Variants in PRRG1 observed in about 807,000 individuals in gnomAD.
The protein encoded by PRRG1 is transmembrane gamma-carboxyglutamic acid protein 1.
In PRRG1, 5 loss-of-function variants were observed where a neutral mutation model predicts 11.8. That is an observed-to-expected ratio of 0.42 (90% CI 0.22 to 0.89). The LOEUF (loss-of-function observed/expected upper bound fraction) is 0.89. PRRG1 is among the 40% of genes least tolerant of loss of function. PRRG1 has a pLI of 0.28. For missense variants in PRRG1, 155 were observed against 166.1 expected (o/e 0.93, Z 0.37); for synonymous variants, 66 against 60.4 (o/e 1.09, Z -0.43).
intron 1 of PRRG1, among the ~76,000 whole-genome samples, chrX:37,393,082 G>C (rs1931595898): frequency 9.0e-6 from 1 of 111,139 alleles, no homozygotes; most frequent in African/African-American, 3.3e-5. Context: ...CAGAAACAAA[G>C]TATCCTTTGT....
intron 3 of PRRG1, among the ~76,000 whole-genome samples, chrX:37,437,308 G>T (rs782255356): frequency 4.5e-5 from 5 of 111,041 alleles, no homozygotes; most frequent in Middle Eastern, 4.6e-3. Flanking sequence ...GTCAGGGCGG[G>T]GGGGGAGGTG....
chrX:37,453,469 C>T lies in PRRG1; in HGVS notation c.505C>T (p.Pro169Ser). 1 of 1,210,834 alleles carries T rather than the reference C, an allele frequency of 8.3e-7. No homozygotes were observed. The highest frequency in any genetic ancestry group is 1.1e-6 in the Non-Finnish European group (1 of 895,309). The change falls in exon 4 of 4, where the codon CCG becomes TCG. Residue 169 changes from proline (P) to serine (S), a missense_variant. Transcript: ENST00000378628. The part of the protein sequence containing the change: ...VSTRLSNCDP[P>S]PTYEEATGQV... ...TACTCGCCTGTCCAATTGTGATCCCCCGCCAACCTATGAGGAAGCCACTGG... is the reference window on the plus strand; with the variant it reads ...TACTCGCCTGTCCAATTGTGATCCCTCGCCAACCTATGAGGAAGCCACTGG...
intron 1 of PRRG1, among the ~76,000 whole-genome samples, chrX:37,356,185 T>C (rs1199063224): frequency 8.9e-6 from 1 of 111,991 alleles, no homozygotes; most frequent in Non-Finnish European, 1.9e-5. Context: ...CATATACACA[T>C]AAATATACAT....
chrX:37,416,109 A>T (rs1556385114), intron 2 of PRRG1, among the ~76,000 whole-genome samples: 1 of 112,369 alleles, frequency 8.9e-6, no homozygotes. Flanking sequence ...GCTTACTAAC[A>T]ATAGCACTAA....
At chrX:37,399,150 G>A (rs1322271639) in intron 1 of PRRG1, among the ~76,000 whole-genome samples, 6 of 110,705 alleles carry the variant, frequency 5.4e-5, no homozygotes, top group Non-Finnish European at 1.1e-4. Flanking sequence ...GATACTCCTC[G>A]AGAAGAGCAA....
chrX:37,394,649 C>T (rs1296069344), intron 1 of PRRG1, among the ~76,000 whole-genome samples: 2 of 111,140 alleles, frequency 1.8e-5, no homozygotes, highest in Admixed American at 9.5e-5. Flanking sequence ...ATAATTGAAT[C>T]GCAGAGGATT....
At chrX:37,433,111 G>C (rs1367600465) in intron 3 of PRRG1, among the ~76,000 whole-genome samples, 1 of 110,966 alleles carries the variant, frequency 9.0e-6, no homozygotes, top group East Asian at 2.8e-4. Context: ...ATGATTTTTT[G>C]GCCCCTGCCC....
At chrX:37,384,266 G>A (rs1030997049) in intron 1 of PRRG1, among the ~76,000 whole-genome samples, 11 of 111,438 alleles carry the variant, frequency 9.9e-5, no homozygotes, top group Admixed American at 3.8e-4. Context: ...AAACTCATCC[G>A]TGTCCCTTCA....
At position 37,409,155 on chromosome X, in the gene PRRG1, A is replaced by G. The variant is rs187474606; in HGVS notation, c.10+2896A>G. On this transcript the variant is annotated intron_variant, in intron 2 of 3. Transcript: ENST00000378628. ...TTGATTAACACATACTTTATATGCTATGTGTATTACATACAGTATTCTTGT... is the reference window on the plus strand; with the variant it reads ...TTGATTAACACATACTTTATATGCTGTGTGTATTACATACAGTATTCTTGT... Among the ~76,000 whole-genome samples the G allele has an allele frequency of 8.2e-4, 92 of 112,208 alleles. 1 individual carries two copies. Among genetic ancestry groups the G allele is most frequent in the African/African-American group, 2.6e-3 (81 of 30,903 alleles).
chrX:37,385,581 G>A, intron 1 of PRRG1, among the ~76,000 whole-genome samples: 1 of 110,556 alleles, frequency 9.0e-6, no homozygotes, highest in Non-Finnish European at 1.9e-5. Context: ...CCAAAACTTA[G>A]CAGCTTCATG....
At position 37,453,439 on chromosome X, in the gene PRRG1, G is replaced by A. The variant is rs138691148; in HGVS notation, c.475G>A (p.Val159Ile). The A allele has an allele frequency of 2.1e-4, 255 of 1,205,972 alleles. 2 individuals carry two copies. The African/African-American group carries it at 3.6e-3, about 17-fold the overall frequency. Residue 159 changes from valine (V) to isoleucine (I), a missense_variant, in exon 4 of 4, where the codon GTC becomes ATC. Coordinates refer to ENST00000378628, the MANE Select transcript of PRRG1 (RefSeq NM_001142395.2). ...ATATGTAGTTGGGCGCTCAGATTCC[G>A]TCTCTACTCGCCTGTCCAATTGTGA... ...LGYVVGRSDSVSTRLSNCDPP... is the reference protein window; with the variant it reads ...LGYVVGRSDSISTRLSNCDPP...
At position 37,454,625 on chromosome X, in the gene PRRG1, T is replaced by C. The variant is rs1921283046; in HGVS notation, c.*1004T>C. On this transcript the variant is annotated 3_prime_UTR_variant, in exon 4 of 4. Coordinates refer to ENST00000378628, the MANE Select transcript of PRRG1 (RefSeq NM_001142395.2). The stretch of plus-strand genomic sequence containing the variant: ...AATATTTTTATATAGGCTGATGTCT[T>C]TGCCTCAAGATTGTTAGGAGGTAAT... 1 of 111,979 alleles carries C rather than the reference T, an allele frequency of 8.9e-6. No individual in the cohort carries two copies. Among genetic ancestry groups the C allele is most frequent in the Non-Finnish European group, 1.9e-5 (1 of 53,284 alleles). The allele number at this position is 111,979 out of a possible 1,213,427, so 9.2% of individuals were successfully genotyped here. A position where few individuals can be genotyped will look rare whatever the true frequency, so the allele number is the denominator to read the frequency against.
At chrX:37,420,075 T>G (rs1932611883) in intron 2 of PRRG1, among the ~76,000 whole-genome samples, 1 of 112,195 alleles carries the variant, frequency 8.9e-6, no homozygotes, top group Non-Finnish European at 1.9e-5. Flanking sequence ...GTCACACTAC[T>G]ACTTATTGTA....
At chrX:37,369,268 C>T (rs1468237665) in intron 1 of PRRG1, among the ~76,000 whole-genome samples, 1 of 111,848 alleles carries the variant, frequency 8.9e-6, no homozygotes, top group African/African-American at 3.3e-5. Context: ...ATTTCACTTT[C>T]ACACTTCAGT....
chrX:37,370,019 A>G (rs917234992), intron 1 of PRRG1, among the ~76,000 whole-genome samples: 18 of 111,177 alleles, frequency 1.6e-4, no homozygotes, highest in African/African-American at 5.2e-4. Flanking sequence ...AGAACAAACT[A>G]ATACACCACC....
chrX:37,417,370 G>A (rs1932526568), intron 2 of PRRG1, among the ~76,000 whole-genome samples: 1 of 110,798 alleles, frequency 9.0e-6, no homozygotes. Flanking sequence ...CCTCATTCCT[G>A]TGTAAACATA....
intron 3 of PRRG1, among the ~76,000 whole-genome samples, chrX:37,428,762 G>A (rs782394764): frequency 8.9e-6 from 1 of 112,496 alleles, no homozygotes; most frequent in South Asian, 3.7e-4. Context: ...GACTCTGTGT[G>A]GGGGCTCTGA....
At chrX:37,441,091 C>G in intron 3 of PRRG1, 1 of 937,583 alleles carries the variant, frequency 1.1e-6, no homozygotes, top group Non-Finnish European at 1.3e-6. Flanking sequence ...AATATTTAAA[C>G]TCAAGGCAAA....
chrX:37,386,332 A>T (rs909386862), intron 1 of PRRG1, among the ~76,000 whole-genome samples: 2 of 111,500 alleles, frequency 1.8e-5, no homozygotes, highest in Non-Finnish European at 3.8e-5. Flanking sequence ...GTTGAGGTAT[A>T]ATTGTCATAT....
Sources: allele counts gnomAD v4.1 joint callset (sites outside exome capture counted in the v4.1 genomes callset), GRCh38; gene constraint gnomAD v4.1.1; transcripts MANE v1.5; gene names NCBI Gene and HGNC (gene_info 2026-07-23, HGNC 2026-07-21).